ATL2: variants seen among roughly 807,000 people sequenced by gnomAD.
ATL2 encodes atlastin-2.
Under a neutral mutation model 73.9 loss-of-function variants are expected in ATL2, and 31 were observed. The ratio of observed to expected loss-of-function variants is 0.42; its 90% CI spans 0.32 to 0.57. The LOEUF is 0.57. ATL2 is among the 20% of genes least tolerant of loss of function. The probability of loss-of-function intolerance (pLI) is 0.14; values close to 1 mark genes in which losing one functional copy is unlikely to be tolerated. For missense variants in ATL2, 738 were observed against 702.6 expected (o/e 1.05, Z -0.57); for synonymous variants, 291 against 237.5 (o/e 1.23, Z -2.07).
chr2:38,332,521 A>C (rs1299208895), intron 2 of ATL2, among the ~76,000 whole-genome samples: 9 of 152,190 alleles, frequency 5.9e-5, no homozygotes, highest in African/African-American at 2.2e-4. Context: ...AAACATTTTT[A>C]AATTAATTGG....
chr2:38,346,702 T>C (rs1670034363), intron 1 of ATL2, among the ~76,000 whole-genome samples: 1 of 152,226 alleles, frequency 6.6e-6, no homozygotes, highest in Non-Finnish European at 1.5e-5. Flanking sequence ...ACCATGGGTC[T>C]GACAGGAGGC....
intron 9 of ATL2, among the ~76,000 whole-genome samples, chr2:38,304,246 T>C (rs1667337138): frequency 6.6e-6 from 1 of 152,158 alleles, no homozygotes; most frequent in Non-Finnish European, 1.5e-5. Context: ...GAGAGTAGCA[T>C]GACATAAAGT....
chr2:38,318,428 T>C (rs1215863599), intron 4 of ATL2, 107 bp downstream of exon 4: 15 of 774,312 alleles, frequency 1.9e-5, no homozygotes, highest in Admixed American at 6.3e-5. Flanking sequence ...ATCACGCCAC[T>C]GTACTCCAGC....
intron 2 of ATL2, among the ~76,000 whole-genome samples, chr2:38,340,345 ATTT>A (rs1669643273): frequency 2.6e-5 from 4 of 152,028 alleles, no homozygotes; most frequent in Admixed American, 2.6e-4. Flanking sequence ...AAGGAAAAAA[ATTT>A]TTAAGGAAAA....
At chr2:38,355,891 C>CA (rs1670634082) in intron 1 of ATL2, among the ~76,000 whole-genome samples, 5 of 151,660 alleles carry the variant, frequency 3.3e-5, no homozygotes, top group Admixed American at 3.3e-4. Flanking sequence ...AGACAGGTTT[C>CA]ACCATTTTGG....
intron 7 of ATL2, among the ~76,000 whole-genome samples, chr2:38,311,917 G>C (rs1667777379): frequency 1.3e-5 from 2 of 152,056 alleles, no homozygotes; most frequent in Admixed American, 1.3e-4. Context: ...ACCAGAAACA[G>C]AAAATGCTGA....
At chr2:38,346,893 G>A (rs907856928) in intron 1 of ATL2, among the ~76,000 whole-genome samples, 4 of 152,088 alleles carry the variant, frequency 2.6e-5, no homozygotes, top group African/African-American at 4.8e-5. Flanking sequence ...TCTAGACTCT[G>A]CTTTAATATT....
intron 1 of ATL2, among the ~76,000 whole-genome samples, chr2:38,369,894 G>C (rs1042092567): frequency 6.6e-6 from 1 of 151,884 alleles, no homozygotes; most frequent in African/African-American, 2.4e-5. Context: ...GCTCACGCCA[G>C]TAATCCCAGC....
chr2:38,303,542 G>C (rs1667291185), intron 9 of ATL2, among the ~76,000 whole-genome samples: 1 of 151,952 alleles, frequency 6.6e-6, no homozygotes, highest in South Asian at 2.1e-4. Flanking sequence ...TCAGCTTGGA[G>C]ACAGGCTATT....
intron 3 of ATL2, 105 bp downstream of exon 3, chr2:38,318,780 T>A: frequency 1.4e-6 from 2 of 1,397,108 alleles, no homozygotes; most frequent in Non-Finnish European, 9.8e-7. Flanking sequence ...ATAATCCGTA[T>A]GTTAAAGTTA....
chr2:38,325,756 ACAC>A (rs1668619840), intron 2 of ATL2, among the ~76,000 whole-genome samples: 6 of 138,252 alleles, frequency 4.3e-5, no homozygotes, highest in Non-Finnish European at 6.4e-5. Context: ...ACACACACAC[ACAC>A]ACCAGTCCCC....
chr2:38,308,422 T>C (rs1054859039), intron 9 of ATL2, among the ~76,000 whole-genome samples: 1 of 152,090 alleles, frequency 6.6e-6, no homozygotes, highest in African/African-American at 2.4e-5. Context: ...ACTCATGCGA[T>C]AGAGAGTACT....
At chr2:38,338,570 C>T (rs896668004) in intron 2 of ATL2, among the ~76,000 whole-genome samples, 1 of 151,694 alleles carries the variant, frequency 6.6e-6, no homozygotes, top group African/African-American at 2.4e-5. Context: ...AGAAGATACA[C>T]CTCTTCCCAA....
At chr2:38,354,406 T>G (rs771156337) in intron 1 of ATL2, among the ~76,000 whole-genome samples, 20 of 152,196 alleles carry the variant, frequency 1.3e-4, no homozygotes, top group Non-Finnish European at 2.9e-4. Context: ...TTATAAAGTA[T>G]GTAGAAGTAC....
At position 38,318,898 on chromosome 2, in the gene ATL2, G is replaced by A; in HGVS notation, c.485C>T (p.Pro162Leu). The change falls in exon 3 of 13, where the codon CCT (proline) becomes CTT (leucine). Residue 162 changes from proline (P) to leucine (L), a missense_variant. Pro to Leu is a moderately conservative substitution (Grantham distance 98). Coordinates refer to ENST00000378954, the MANE Select transcript of ATL2 (RefSeq NM_001135673.4). The part of the protein sequence containing the change: ...VWNEVFVIDR[P>L]NGTKVAVLLM... Reference sequence around the variant, plus strand: ...ACAGAATTTTACTTTAGTTCCATTAGGTCTGTCAATCACAAATACTTCATT... The same window carrying A: ...ACAGAATTTTACTTTAGTTCCATTAAGTCTGTCAATCACAAATACTTCATT... The A allele has an allele frequency of 6.2e-7, 1 of 1,613,044 alleles. No individual in the cohort carries two copies. Among genetic ancestry groups the A allele is most frequent in the Non-Finnish European group, 8.5e-7 (1 of 1,179,748 alleles).
rs557853307 is a variant in ATL2, at chr2:38,377,148, G to A, written c.113C>T (p.Ser38Phe). The A allele has an allele frequency of 6.2e-7, 1 of 1,610,446 alleles. No homozygotes were observed. Among genetic ancestry groups the A allele is most frequent in the South Asian group, 1.1e-5 (1 of 90,920 alleles). ...TCTGCCTCGCTGGCCCGTACCTAGG[G>A]AGGTCGTGGACGAGACGTGGTTAAC... ...AAVNHVSSTTSLGENYEDDDL... is the reference protein window; with the variant it reads ...AAVNHVSSTTFLGENYEDDDL... Residue 38 changes from serine to phenylalanine, a missense_variant, in exon 1 of 13, where the codon TCC becomes TTC. Ser to Phe is a radical substitution (Grantham distance 155, BLOSUM62 -2). Coordinates refer to ENST00000378954, the MANE Select transcript of ATL2 (RefSeq NM_001135673.4).
chr2:38,346,809 A>G (rs914051680), intron 1 of ATL2, among the ~76,000 whole-genome samples: 4 of 152,028 alleles, frequency 2.6e-5, no homozygotes, highest in African/African-American at 9.7e-5. Context: ...CCACGGCCCT[A>G]GGGTTGGGAA....
intron 2 of ATL2, among the ~76,000 whole-genome samples, chr2:38,335,609 G>C (rs549757955): frequency 6.6e-6 from 1 of 152,216 alleles, no homozygotes; most frequent in South Asian, 2.1e-4. Context: ...CTGGGAAGGG[G>C]AATTAGAGAG....
chr2:38,315,370 G>C (rs199509896), intron 4 of ATL2, 36 bp from the exon 5 acceptor site: 1 of 1,488,912 alleles, frequency 6.7e-7, no homozygotes, highest in Non-Finnish European at 8.9e-7. Flanking sequence ...TTTTATTAGT[G>C]TTTTGTTCTG....
Sources: gnomAD v4.1 joint callset for allele counts (sites outside exome capture counted in the v4.1 genomes callset) on GRCh38, gnomAD v4.1.1 for gene constraint, MANE v1.5 for transcripts, NCBI Gene and HGNC (gene_info 2026-07-23, HGNC 2026-07-21) for gene names.